The following ATL2 variants were observed in gnomAD, a reference collection of about 807,000 sequenced individuals.
ATL2 encodes the protein atlastin GTPase 2.
Under a neutral mutation model 73.9 loss-of-function variants are expected in ATL2, and 31 were observed. The ratio of observed to expected loss-of-function variants is 0.42; its 90% CI spans 0.32 to 0.57. The LOEUF (loss-of-function observed/expected upper bound fraction) is 0.57, where lower values mean the gene tolerates loss of function less well. Among genes scored for constraint, ATL2 ranks in the 20% least tolerant of loss-of-function variants. The pLI is 0.14. For synonymous variants in ATL2, 291 were observed against 237.5 expected (o/e 1.23, Z -2.07); for missense variants, 738 against 702.6 (o/e 1.05, Z -0.57).
At chr2:38,298,612 T>C (rs749516332) in intron 11 of ATL2, 37 bp from the exon 12 acceptor site, 1 of 1,559,272 alleles carries the variant, frequency 6.4e-7, no homozygotes, top group South Asian at 1.2e-5. Flanking sequence ...ATGCTAGAAA[T>C]AATTAACACT....
intron 9 of ATL2, among the ~76,000 whole-genome samples, chr2:38,307,593 C>T (rs928285199): frequency 6.6e-6 from 1 of 151,976 alleles, no homozygotes; most frequent in Non-Finnish European, 1.5e-5. Flanking sequence ...CAAGCACAGG[C>T]AACCAAAGCA....
At chr2:38,335,578 G>C (rs527870401) in intron 2 of ATL2, among the ~76,000 whole-genome samples, 45 of 152,238 alleles carry the variant, frequency 3.0e-4, no homozygotes, top group African/African-American at 9.9e-4. Context: ...GGTGGCCCTT[G>C]AGAGCCGGAG....
intron 2 of ATL2, among the ~76,000 whole-genome samples, chr2:38,341,754 TA>T (rs1669732399): frequency 6.6e-6 from 1 of 152,190 alleles, no homozygotes; most frequent in East Asian, 1.9e-4. Flanking sequence ...TACTCAGGTA[TA>T]TTTGAGAAAG....
rs562833676 is a variant in ATL2, at chr2:38,370,168, A to G, written c.118+6975T>C. Among the ~76,000 whole-genome samples the G allele has an allele frequency of 8.1e-4, 113 of 138,844 alleles. 1 individual carries two copies. Among genetic ancestry groups the G allele is most frequent in the South Asian group, 5.6e-3 (26 of 4,632 alleles). The allele number at this position is 138,844 out of a possible 152,430, so 91.1% of individuals were successfully genotyped here. On this transcript the variant is annotated intron_variant, in intron 1 of 12. Coordinates refer to ENST00000378954, the MANE Select transcript of ATL2 (RefSeq NM_001135673.4). Reference sequence around the variant, plus strand: ...ACTCCGTCAAAAAAAAAAAAAAAAAAAAAGAAAGAAAATCAAGACCGGGCG... The same window carrying G: ...ACTCCGTCAAAAAAAAAAAAAAAAAGAAAGAAAGAAAATCAAGACCGGGCG...
At chr2:38,359,439 T>C (rs1385044098) in intron 1 of ATL2, 1 of 150,190 alleles carries the variant, frequency 6.7e-6, no homozygotes, top group Non-Finnish European at 1.5e-5. Flanking sequence ...GATCCCGCCA[T>C]TGCACTCCAG....
intron 2 of ATL2, among the ~76,000 whole-genome samples, chr2:38,331,748 A>G (rs1401249233): frequency 6.6e-6 from 1 of 152,080 alleles, no homozygotes; most frequent in African/African-American, 2.4e-5. Context: ...GAAGTGTTGA[A>G]AAGTCTTTCC....
intron 6 of ATL2, among the ~76,000 whole-genome samples, chr2:38,313,809 G>C (rs1210709126): frequency 6.6e-6 from 1 of 152,106 alleles, no homozygotes; most frequent in Non-Finnish European, 1.5e-5. Context: ...GATACCAAGA[G>C]GCACTAAGCT....
At chr2:38,369,729 T>A (rs1366946198) in intron 1 of ATL2, among the ~76,000 whole-genome samples, 1 of 151,560 alleles carries the variant, frequency 6.6e-6, no homozygotes, top group Non-Finnish European at 1.5e-5. Context: ...AGTACATAAA[T>A]AAAAAATAAA....
At position 38,319,615 on chromosome 2, in the gene ATL2, A is replaced by AAG. The variant is rs74780180; in HGVS notation, c.364-598_364-597dup. 1.3e-3 allele frequency among the ~76,000 whole-genome samples: 194 copies of AAG among 149,484 alleles called. 1 individual carries two copies. Among genetic ancestry groups the AAG allele is most frequent in the East Asian group, 6.0e-3 (31 of 5,140 alleles). ...TCCTGCCTCAAAAACAAAAAAAAAA[A>AAG]AGAGAGAGAGAGAGAGAGACAGAGA... On this transcript the variant is annotated intron_variant, in intron 2 of 12. Transcript: ENST00000378954.
chr2:38,347,090 A>C (rs1223699516), intron 1 of ATL2, among the ~76,000 whole-genome samples: 1 of 152,218 alleles, frequency 6.6e-6, no homozygotes, highest in Admixed American at 6.5e-5. Flanking sequence ...CTTATTTATT[A>C]AATGTCTCCC....
chr2:38,319,109 G>C (rs1178156739), intron 2 of ATL2, 90 bp from the exon 3 acceptor site: 1 of 1,388,694 alleles, frequency 7.2e-7, no homozygotes, highest in Non-Finnish European at 9.9e-7. Flanking sequence ...TACAGATGGG[G>C]AAGCTAAACC....
chr2:38,317,301 G>A lies in ATL2; in HGVS notation c.603+1234C>T, dbSNP rs369832934. ...ACACCATCACCAGCTGGGCCTAACCGCCATACTTCAATAATTCATTTTTCA... is the reference window on the plus strand; with the variant it reads ...ACACCATCACCAGCTGGGCCTAACCACCATACTTCAATAATTCATTTTTCA... On this transcript the variant is annotated intron_variant, in intron 4 of 12. Transcript: ENST00000378954. Among the ~76,000 whole-genome samples the A allele has an allele frequency of 1.3e-4, 20 of 152,064 alleles. 1 individual carries two copies. The East Asian group carries it at 2.3e-3, about 18-fold the overall frequency.
intron 12 of ATL2, chr2:38,296,345 G>A (rs1573412398): frequency 6.9e-7 from 1 of 1,456,414 alleles, no homozygotes; most frequent in East Asian, 2.5e-5. Flanking sequence ...AGATGGATGT[G>A]CAATTCCATA....
intron 12 of ATL2, chr2:38,296,318 C>T: frequency 6.9e-7 from 1 of 1,445,986 alleles, no homozygotes; most frequent in Non-Finnish European, 9.0e-7. Context: ...TTATTCAAAC[C>T]ATTTACAATT....
At chr2:38,297,753 C>T (rs1374186842) in intron 12 of ATL2, among the ~76,000 whole-genome samples, 1 of 152,120 alleles carries the variant, frequency 6.6e-6, no homozygotes, top group East Asian at 1.9e-4. Context: ...TGCTGCTTGC[C>T]AATATTAGGA....
chr2:38,316,122 G>C (rs1187818216), intron 4 of ATL2, among the ~76,000 whole-genome samples: 1 of 152,182 alleles, frequency 6.6e-6, no homozygotes, highest in East Asian at 1.9e-4. Flanking sequence ...TTAGGAACCA[G>C]GGTGACTCCG....
At position 38,368,128 on chromosome 2, in the gene ATL2, G is replaced by C. The variant is rs571625528; in HGVS notation, c.118+9015C>G. 2.0e-5 allele frequency among the ~76,000 whole-genome samples: 3 copies of C among 151,184 alleles called. No homozygotes were observed. In the East Asian group the frequency reaches 5.8e-4, roughly 29 times the overall value. On this transcript the variant is annotated intron_variant, in intron 1 of 12. Coordinates refer to ENST00000378954, the MANE Select transcript of ATL2 (RefSeq NM_001135673.4). ...TTTTTGTATTTTTAGTAGAGATGGG[G>C]TTTCACTGTGTTAGCCAGGATGGCC...
At chr2:38,328,348 T>C (rs867574852) in intron 2 of ATL2, among the ~76,000 whole-genome samples, 2 of 152,206 alleles carry the variant, frequency 1.3e-5, no homozygotes, top group Non-Finnish European at 2.9e-5. Context: ...TTATAGTATA[T>C]TTCATCCAAC....
chr2:38,299,378 A>C (rs1667070513), intron 10 of ATL2, 51 bp from the exon 11 acceptor site: 1 of 1,485,904 alleles, frequency 6.7e-7, no homozygotes, highest in East Asian at 2.7e-5. Context: ...TATGACTCTA[A>C]AAATTCTGAT....
Sources: allele counts gnomAD v4.1 joint callset (sites outside exome capture counted in the v4.1 genomes callset), GRCh38; gene constraint gnomAD v4.1.1; transcripts MANE v1.5; gene names NCBI Gene and HGNC (gene_info 2026-07-23, HGNC 2026-07-21).